NSUN7: variants seen among roughly 807,000 people sequenced by gnomAD.
NSUN7 encodes NOP2/Sun RNA methyltransferase family member 7, also known as protein NSUN7.
In NSUN7, 39 loss-of-function variants were observed where a neutral mutation model predicts 58.5. The ratio of observed to expected loss-of-function variants is 0.67; its 90% CI spans 0.52 to 0.87. NSUN7 has a LOEUF of 0.87. NSUN7 is among the 40% of genes least tolerant of loss of function. NSUN7 has a pLI of 0.00. For missense variants in NSUN7, 765 were observed against 844.1 expected, an observed-to-expected ratio of 0.91 and a Z score of 1.16; for synonymous variants, 278 against 303.7, an observed-to-expected ratio of 0.92 and a Z score of 0.88.
chr4:40,794,472 G>C lies in NSUN7; in HGVS notation c.1278G>C (p.Met426Ile), dbSNP rs1405892044. The C allele has an allele frequency of 6.3e-7, 1 of 1,595,658 alleles. No homozygotes were observed. Among genetic ancestry groups the C allele is most frequent in the Non-Finnish European group, 8.6e-7 (1 of 1,164,804 alleles). The change falls in exon 9 of 12, where the codon ATG becomes ATC. Residue 426 changes from methionine to isoleucine, a missense_variant. Physicochemically the swap from Met to Ile is conservative, Grantham distance 10 (BLOSUM62 1). Coordinates refer to ENST00000381782, the MANE Select transcript of NSUN7 (RefSeq NM_024677.6). ...QQQYEQLTHA[M>I]KFTKAQAVVY... ...AGTATGAACAGCTAACACATGCAAT[G>C]AAATGTAAGGTTGTCATAGGCACCA...
In NSUN7 at chr4:40,776,223, G is replaced by A; in HGVS notation, c.1000G>A (p.Asp334Asn). Residue 334 changes from aspartate (D) to asparagine (N), a missense_variant, in exon 7 of 12, where the codon GAC (aspartate) becomes AAC (asparagine). Transcript: ENST00000381782. The part of the protein sequence containing the change: ...CGVQSQAKDP[D>N]LKTLFTKIGC... The stretch of plus-strand genomic sequence containing the variant: ...AGTACAATCACAAGCTAAGGATCCT[G>A]ACTTGAAGACCCTTTTCACAAAAAT... The A allele has an allele frequency of 6.2e-7, 1 of 1,608,428 alleles. No homozygotes were observed. Among genetic ancestry groups the A allele is most frequent in the Non-Finnish European group, 8.5e-7 (1 of 1,178,220 alleles).
At chr4:40,798,964 A>G in intron 10 of NSUN7, 60 bp downstream of exon 10, 1 of 810,398 alleles carries the variant, frequency 1.2e-6, no homozygotes, top group Non-Finnish European at 1.9e-6. Context: ...AAGGAAAAAT[A>G]TTATTTTCTA....
chr4:40,791,425 T>C (rs1371999387), intron 8 of NSUN7, among the ~76,000 whole-genome samples: 2 of 152,206 alleles, frequency 1.3e-5, no homozygotes, highest in African/African-American at 4.8e-5. Flanking sequence ...TTCTGTGAAG[T>C]AGTAACTTGT....
intron 10 of NSUN7, among the ~76,000 whole-genome samples, chr4:40,804,161 C>T (rs1457308898): frequency 3.3e-5 from 5 of 152,098 alleles, no homozygotes; most frequent in East Asian, 1.9e-4. Context: ...CTAATGGGGC[C>T]GGGCATGGTG....
intron 2 of NSUN7, among the ~76,000 whole-genome samples, chr4:40,760,166 T>C (rs1741380386): frequency 1.3e-5 from 2 of 152,236 alleles, no homozygotes; most frequent in Admixed American, 1.3e-4. Flanking sequence ...CATTAAAGAT[T>C]GGAATCCTTT....
At chr4:40,758,903 T>G (rs996716034) in intron 2 of NSUN7, among the ~76,000 whole-genome samples, 3 of 151,560 alleles carry the variant, frequency 2.0e-5, no homozygotes, top group Non-Finnish European at 4.4e-5. Context: ...AGAAAATTCA[T>G]GAATTCAAAT....
intron 8 of NSUN7, among the ~76,000 whole-genome samples, chr4:40,792,491 C>T (rs569976970): frequency 4.7e-4 from 72 of 152,272 alleles, no homozygotes; most frequent in African/African-American, 1.6e-3. Flanking sequence ...GTGGCTCACG[C>T]CTGTAATCCC....
chr4:40,751,978 G>A (rs575577131), intron 2 of NSUN7, among the ~76,000 whole-genome samples: 3 of 152,288 alleles, frequency 2.0e-5, no homozygotes, highest in Admixed American at 1.3e-4. Context: ...CCTGGTGACA[G>A]AGCAAGACCC....
rs551164118 is a variant in NSUN7 at position 40,764,744 on chromosome 4, G to T, written c.488+3443G>T. Among the ~76,000 whole-genome samples, 12 of 152,132 alleles carry T rather than the reference G, an allele frequency of 7.9e-5. No individual in the cohort carries two copies. In the South Asian group the frequency reaches 2.5e-3, roughly 32 times the overall value. ...CTCCACATCCTCTCCAGCACCTGTTGTTTCCTGACTTTTTAATGATTGCCA... is the reference window on the plus strand; with the variant it reads ...CTCCACATCCTCTCCAGCACCTGTTTTTTCCTGACTTTTTAATGATTGCCA... On this transcript the variant is annotated intron_variant, in intron 4 of 11. Transcript: ENST00000381782.
intron 7 of NSUN7, among the ~76,000 whole-genome samples, chr4:40,787,904 G>A (rs1363915954): frequency 6.6e-6 from 1 of 152,126 alleles, no homozygotes; most frequent in Non-Finnish European, 1.5e-5. Context: ...GCACGATCTT[G>A]GCTCACTGCA....
chr4:40,751,195 G>A (rs1197605045), intron 2 of NSUN7, among the ~76,000 whole-genome samples: 1 of 152,128 alleles, frequency 6.6e-6, no homozygotes. Context: ...AGATTTCCCC[G>A]TGCACTGTGT....
intron 7 of NSUN7, among the ~76,000 whole-genome samples, chr4:40,785,124 C>T (rs1742747368): frequency 6.6e-6 from 1 of 151,966 alleles, no homozygotes. Context: ...GCAGCTTGAT[C>T]TCCTGGGTGC....
At chr4:40,781,179 G>A (rs1026286142) in intron 7 of NSUN7, among the ~76,000 whole-genome samples, 9 of 151,886 alleles carry the variant, frequency 5.9e-5, no homozygotes, top group Non-Finnish European at 1.2e-4. Context: ...CAATTCTCAT[G>A]CCTCAATCTC....
At chr4:40,806,560 T>G (rs1743814642) in intron 10 of NSUN7, among the ~76,000 whole-genome samples, 1 of 152,204 alleles carries the variant, frequency 6.6e-6, no homozygotes, top group African/African-American at 2.4e-5. Context: ...ATGTAACTCA[T>G]CTATTAATCC....
At chr4:40,785,793 G>C (rs1742789373) in intron 7 of NSUN7, among the ~76,000 whole-genome samples, 1 of 152,264 alleles carries the variant, frequency 6.6e-6, no homozygotes, top group African/African-American at 2.4e-5. Flanking sequence ...AAGAGGGAAT[G>C]TTGTAGGCTA....
intron 7 of NSUN7, 171 bp downstream of exon 7, chr4:40,776,430 G>A: frequency 2.1e-6 from 1 of 475,240 alleles, no homozygotes; most frequent in Non-Finnish European, 3.7e-6. Flanking sequence ...TGCTTAATTT[G>A]GTTAAACAAC....
At position 40,776,187 on chromosome 4, in the gene NSUN7, T is replaced by C; in HGVS notation, c.964T>C (p.Phe322Leu). 1.2e-6 allele frequency: 2 copies of C among 1,612,748 alleles called. No individual in the cohort carries two copies. The highest frequency in any genetic ancestry group is 8.5e-7 in the Non-Finnish European group (1 of 1,179,456). ...AACAAATAATAATACCTCAAAAGTATTTGTGTGTGGAGTACAATCACAAGC... is the reference window on the plus strand; with the variant it reads ...AACAAATAATAATACCTCAAAAGTACTTGTGTGTGGAGTACAATCACAAGC... Reference protein sequence around the residue: ...ILTNNNTSKVFVCGVQSQAKD... With the variant: ...ILTNNNTSKVLVCGVQSQAKD... The change falls in exon 7 of 12, where the codon TTT becomes CTT. Residue 322 changes from phenylalanine to leucine, a missense_variant. Phe to Leu is a conservative substitution (Grantham distance 22, BLOSUM62 0). Transcript: ENST00000381782.
intron 7 of NSUN7, among the ~76,000 whole-genome samples, chr4:40,785,201 A>ATTT (rs34585824): frequency 4.3e-5 from 6 of 138,666 alleles, no homozygotes; most frequent in African/African-American, 1.3e-4. Context: ...ACTCTCAGCT[A>ATTT]TTTTTTTTTT....
intron 11 of NSUN7, 135 bp from the exon 12 acceptor site, chr4:40,808,172 G>T: frequency 2.0e-6 from 2 of 986,084 alleles, no homozygotes; most frequent in Non-Finnish European, 2.9e-6. Flanking sequence ...GGGGACTAAG[G>T]CCTAAAAACT....
Sources: allele counts gnomAD v4.1 joint callset (sites outside exome capture counted in the v4.1 genomes callset), GRCh38; gene constraint gnomAD v4.1.1; transcripts MANE v1.5; gene names NCBI Gene and HGNC (gene_info 2026-07-23, HGNC 2026-07-21).